TM9SF4: variants seen among roughly 807,000 people sequenced by gnomAD.
TM9SF4 encodes dinucleotide oxidase disulfide thiol exchanger 3 superfamily member 4.
In TM9SF4, 26 loss-of-function variants were observed where a neutral mutation model predicts 90.4. The ratio of observed to expected loss-of-function variants is 0.29; its 90% CI spans 0.21 to 0.40. The LOEUF (loss-of-function observed/expected upper bound fraction) is 0.40, where lower values mean the gene tolerates loss of function less well. Among genes scored for constraint, TM9SF4 ranks in the 10% least tolerant of loss-of-function variants. TM9SF4 has a pLI of 1.00. For synonymous variants in TM9SF4, 293 were observed against 315.4 expected, an observed-to-expected ratio of 0.93 and a Z score of 0.75; for missense variants, 549 against 834.8, an observed-to-expected ratio of 0.66 and a Z score of 4.22.
Position 32,155,145 on chromosome 20 carries a change from G to A in TM9SF4, c.1288G>A (p.Val430Ile), listed in dbSNP as rs375718876. The change falls in exon 13 of 18, where the codon GTA (valine) becomes ATA (isoleucine). Residue 430 changes from valine to isoleucine, a missense_variant. Val to Ile is a conservative substitution (Grantham distance 29). Coordinates refer to ENST00000398022, the MANE Select transcript of TM9SF4 (RefSeq NM_014742.4). ...TGGTGTGGTTTTTGGCATCTGCTTC[G>A]TATTGAATTGCTTCATTTGGGGAAA... ...YPGVVFGICF[V>I]LNCFIWGKHS... 12 of 1,614,010 alleles carry A rather than the reference G, an allele frequency of 7.4e-6. No individual in the cohort carries two copies. The highest frequency in any genetic ancestry group is 5.0e-5 in the Admixed American group (3 of 59,994).
intron 1 of TM9SF4, among the ~76,000 whole-genome samples, chr20:32,127,399 G>A (rs2046438616): frequency 6.6e-6 from 1 of 152,062 alleles, no homozygotes. Flanking sequence ...CTGGGTCTCT[G>A]GGTCTCAGAT....
At chr20:32,109,886 G>C in intron 1 of TM9SF4, 131 bp downstream of exon 1, 3 of 1,508,618 alleles carry the variant, frequency 2.0e-6, no homozygotes, top group South Asian at 1.2e-5. Context: ...GGCTACCTCT[G>C]ACTGGGCTTG....
intron 1 of TM9SF4, among the ~76,000 whole-genome samples, chr20:32,110,945 C>T (rs17093829): frequency 0.046 from 7,004 of 152,176 alleles, 595 homozygotes; most frequent in African/African-American, 0.16. Context: ...TAATTTCGTC[C>T]GGGGAGTGAA....
intron 5 of TM9SF4, 88 bp from the exon 6 acceptor site, chr20:32,142,894 A>G: frequency 2.1e-5 from 32 of 1,546,080 alleles, no homozygotes; most frequent in Non-Finnish European, 2.8e-5. Context: ...TGGTACAACC[A>G]GGCATGCTGG....
intron 3 of TM9SF4, among the ~76,000 whole-genome samples, chr20:32,139,573 C>T (rs980330654): frequency 3.9e-5 from 6 of 152,328 alleles, no homozygotes; most frequent in Middle Eastern, 3.4e-3. Flanking sequence ...CACTGCTCAC[C>T]GCCAGTTCCT....
chr20:32,128,383 A>G (rs2046454252), intron 1 of TM9SF4, among the ~76,000 whole-genome samples: 2 of 152,194 alleles, frequency 1.3e-5, no homozygotes, highest in East Asian at 1.9e-4. Context: ...ACTTTAACTC[A>G]GGGAACTTGC....
rs1251272520 is a variant in TM9SF4 at position 32,123,864 on chromosome 20, A to ATTT, written c.16-9148_16-9147insTTT. Among the ~76,000 whole-genome samples the ATTT allele has an allele frequency of 1.8e-4, 11 of 60,186 alleles. 1 individual carries two copies. Among genetic ancestry groups the ATTT allele is most frequent in the African/African-American group, 7.7e-4 (11 of 14,352 alleles). 39.5% of individuals were successfully genotyped at this position (60,186 alleles called of 152,430 possible). On this transcript the variant is annotated intron_variant, in intron 1 of 17. Coordinates refer to ENST00000398022, the MANE Select transcript of TM9SF4 (RefSeq NM_014742.4). ...CTCTCTCATATATATATATATATATATATTTTTTTTTTTAAAGAGATAGGG... is the reference window on the plus strand; with the variant it reads ...CTCTCTCATATATATATATATATATATTTTATTTTTTTTTTTAAAGAGATAGGG...
intron 17 of TM9SF4, 34 bp downstream of exon 17, chr20:32,161,399 TC>T: frequency 6.3e-7 from 1 of 1,597,316 alleles, no homozygotes; most frequent in Non-Finnish European, 8.6e-7. Flanking sequence ...CTCTTAGTCC[TC>T]ATAGGGTAGG....
chr20:32,114,823 C>G (rs2046196813), intron 1 of TM9SF4, among the ~76,000 whole-genome samples: 1 of 152,174 alleles, frequency 6.6e-6, no homozygotes, highest in African/African-American at 2.4e-5. Flanking sequence ...GCAGCCTGGG[C>G]TTGGTCCCAG....
At chr20:32,125,691 T>C (rs1600793889) in intron 1 of TM9SF4, among the ~76,000 whole-genome samples, 1 of 147,556 alleles carries the variant, frequency 6.8e-6, no homozygotes, top group East Asian at 2.0e-4. Context: ...CTTTTTTTTT[T>C]TTTTTTTTTT....
intron 9 of TM9SF4, 141 bp from the exon 10 acceptor site, chr20:32,149,493 C>A: frequency 1.9e-6 from 2 of 1,051,814 alleles, no homozygotes; most frequent in Non-Finnish European, 2.8e-6. Context: ...TTCAGATAAG[C>A]ACTTTCTCCT....
chr20:32,123,238 A>T (rs1600788800), intron 1 of TM9SF4, among the ~76,000 whole-genome samples: 2 of 68,864 alleles, frequency 2.9e-5, no homozygotes, highest in Non-Finnish European at 2.7e-5. Context: ...GGAGAGGGAG[A>T]GGCTTTTTTT....
chr20:32,123,198 A>AGGGG (rs1569053683), intron 1 of TM9SF4, among the ~76,000 whole-genome samples: 1 of 782 alleles, frequency 1.3e-3, no homozygotes, highest in African/African-American at 3.4e-3. Context: ...GGAGAGGGGG[A>AGGGG]GGGGGGAGGG....
At chr20:32,119,911 C>T (rs898893863) in intron 1 of TM9SF4, among the ~76,000 whole-genome samples, 1 of 152,108 alleles carries the variant, frequency 6.6e-6, no homozygotes, top group Admixed American at 6.5e-5. Context: ...TTTGAAAAGA[C>T]TTATGTTTCT....
chr20:32,145,892 G>T (rs1313601335), intron 8 of TM9SF4, among the ~76,000 whole-genome samples: 1 of 152,202 alleles, frequency 6.6e-6, no homozygotes, highest in Admixed American at 6.5e-5. Flanking sequence ...AGGAAAGTGT[G>T]AAGGCTCTTT....
At chr20:32,115,808 T>C (rs2046211418) in intron 1 of TM9SF4, among the ~76,000 whole-genome samples, 2 of 89,262 alleles carry the variant, frequency 2.2e-5, no homozygotes, top group African/African-American at 6.5e-5. Flanking sequence ...CACTTTAAGC[T>C]TTTTTTTTTT....
chr20:32,158,352 ACTCGTGTAGGTGCTCT>A (rs1408709198), intron 14 of TM9SF4, 83 bp from the exon 15 acceptor site: 8 of 1,125,942 alleles, frequency 7.1e-6, no homozygotes, highest in Non-Finnish European at 4.1e-6. Context: ...GCACCACCAC[ACTCGTGTAGGTGCTCT>A]CTCTTCATGC....
At chr20:32,159,847 A>G in intron 15 of TM9SF4, 145 bp from the exon 16 acceptor site, 1 of 1,147,160 alleles carries the variant, frequency 8.7e-7, no homozygotes, top group Admixed American at 2.0e-5. Flanking sequence ...GCTCTGGGGA[A>G]GAGGGGCCAG....
chr20:32,137,281 G>C (rs576660390), intron 3 of TM9SF4, among the ~76,000 whole-genome samples: 1 of 152,272 alleles, frequency 6.6e-6, no homozygotes, highest in African/African-American at 2.4e-5. Context: ...CGGGAAGCCT[G>C]ACCCACTTGG....
Sources: allele counts gnomAD v4.1 joint callset (sites outside exome capture counted in the v4.1 genomes callset), GRCh38; gene constraint gnomAD v4.1.1; transcripts MANE v1.5; gene names NCBI Gene and HGNC (gene_info 2026-07-23, HGNC 2026-07-21).